TRPC4AP: variants seen among roughly 807,000 people sequenced by gnomAD.
The protein encoded by TRPC4AP is transient receptor potential cation channel subfamily C member 4 associated protein, also known as short transient receptor potential channel 4-associated protein.
In TRPC4AP, 45 loss-of-function variants were observed where a neutral mutation model predicts 99.0. The observed-to-expected ratio is 0.45, with a 90% CI of 0.36 to 0.58. The LOEUF is 0.58. TRPC4AP is among the 20% of genes least tolerant of loss of function. The probability of loss-of-function intolerance (pLI) is 0.00; values close to 1 mark genes in which losing one functional copy is unlikely to be tolerated. For synonymous variants in TRPC4AP, 408 were observed against 385.8 expected, an observed-to-expected ratio of 1.06 and a Z score of -0.67; for missense variants, 879 against 985.3, an observed-to-expected ratio of 0.89 and a Z score of 1.44.
chr20:35,086,523 A>ATG (rs2084874931), intron 1 of TRPC4AP, among the ~76,000 whole-genome samples: 9 of 99,144 alleles, frequency 9.1e-5, no homozygotes, highest in East Asian at 2.9e-4. Context: ...GTGTGTGTAT[A>ATG]TATGTGTGTG....
rs751554240 is a variant in TRPC4AP, at chr20:35,013,083, G to GC, written c.1351-18dup. On this transcript the variant is annotated splice_polypyrimidine_tract_variant and intron_variant, in intron 10 of 18. Coordinates refer to ENST00000252015, the MANE Select transcript of TRPC4AP (RefSeq NM_015638.3). Reference sequence around the variant, plus strand: ...GGTGATGTCCTGAAACACATGCACAGCCTCAATGTTAGGACCACAGCCACA... The same window carrying GC: ...GGTGATGTCCTGAAACACATGCACAGCCCTCAATGTTAGGACCACAGCCACA... The GC allele has an allele frequency of 2.5e-6, 4 of 1,613,832 alleles. No individual in the cohort carries two copies. The highest frequency in any genetic ancestry group is 3.4e-6 in the Non-Finnish European group (4 of 1,179,854).
rs142771632 is a variant in TRPC4AP, at chr20:35,073,485, G to A, written c.298-4073C>T. Among the ~76,000 whole-genome samples, 1,319 of 152,306 alleles carry A rather than the reference G, an allele frequency of 8.7e-3. 7 individuals carry two copies. Among genetic ancestry groups the A allele is most frequent in the African/African-American group, 0.017 (699 of 41,564 alleles). Reference sequence around the variant, plus strand: ...CTAGTTTATTGAGAGTTTTCAGCATGAAGGGCTGTTGAATTTTGTCGAAGG... The same window carrying A: ...CTAGTTTATTGAGAGTTTTCAGCATAAAGGGCTGTTGAATTTTGTCGAAGG... On this transcript the variant is annotated intron_variant, in intron 2 of 18. Coordinates refer to ENST00000252015, the MANE Select transcript of TRPC4AP (RefSeq NM_015638.3).
At chr20:35,037,308 C>T (rs1049727401) in intron 7 of TRPC4AP, among the ~76,000 whole-genome samples, 2 of 135,230 alleles carry the variant, frequency 1.5e-5, no homozygotes, top group Non-Finnish European at 3.0e-5. Context: ...GATCGCGCCA[C>T]TGCACTCCGG....
chr20:35,030,280 A>T (rs1466493705), intron 8 of TRPC4AP: 1 of 151,230 alleles, frequency 6.6e-6, no homozygotes, highest in East Asian at 1.9e-4. Flanking sequence ...TACCACATAC[A>T]TCTTAATCTT....
At chr20:35,042,395 C>T (rs1200906468) in intron 7 of TRPC4AP, among the ~76,000 whole-genome samples, 1 of 152,180 alleles carries the variant, frequency 6.6e-6, no homozygotes, top group Non-Finnish European at 1.5e-5. Context: ...GGTTCATATT[C>T]AGCCTCAGGA....
At position 35,035,116 on chromosome 20, in the gene TRPC4AP, T is replaced by G. The variant is rs2083289686; in HGVS notation, c.1051+7A>C. The G allele has an allele frequency of 6.2e-7, 1 of 1,612,286 alleles. No homozygotes were observed. The highest frequency in any genetic ancestry group is 1.3e-5 in the African/African-American group (1 of 74,982). On this transcript the variant is annotated splice_region_variant and intron_variant, in intron 8 of 18. Transcript: ENST00000252015. ...CCCGATCACTCAGGGGACCCATCCT[T>G]CCATACCTTGATTGTGCTCTGACTC...
intron 1 of TRPC4AP, among the ~76,000 whole-genome samples, chr20:35,085,318 AAAT>A (rs1256002345): frequency 6.6e-6 from 1 of 152,162 alleles, no homozygotes; most frequent in African/African-American, 2.4e-5. Context: ...TCTCATTTAA[AAAT>A]AATAATTTGG....
intron 4 of TRPC4AP, among the ~76,000 whole-genome samples, 198 bp from the exon 5 acceptor site, chr20:35,055,229 C>T (rs2083797229): frequency 6.6e-6 from 1 of 152,138 alleles, no homozygotes; most frequent in African/African-American, 2.4e-5. Context: ...TTGCATATTG[C>T]TTTTGGTTTG....
At chr20:35,012,757 A>G (rs1885116) in intron 11 of TRPC4AP, among the ~76,000 whole-genome samples, 28,134 of 152,154 alleles carry the variant, frequency 0.18, 2,690 homozygotes, top group Middle Eastern at 0.34. Context: ...TAAGGGGCCA[A>G]CGACTTCCAT....
At chr20:35,038,446 A>G (rs6120810) in intron 7 of TRPC4AP, among the ~76,000 whole-genome samples, 110,261 of 151,838 alleles carry the variant, frequency 0.73, 40,370 homozygotes, top group Middle Eastern at 0.83. Flanking sequence ...ATTAAATTAC[A>G]GTATGCCTGT....
intron 1 of TRPC4AP, among the ~76,000 whole-genome samples, chr20:35,091,198 T>C (rs1223424616): frequency 2.0e-5 from 3 of 151,974 alleles, no homozygotes; most frequent in African/African-American, 4.8e-5. Context: ...CCGTGTTGCC[T>C]GGGCTGGTCT....
chr20:35,054,493 C>G (rs114317226), intron 5 of TRPC4AP, among the ~76,000 whole-genome samples: 70 of 152,260 alleles, frequency 4.6e-4, no homozygotes, highest in African/African-American at 1.7e-3. Flanking sequence ...GGTCCTAACA[C>G]TAAGTGCCAT....
At chr20:35,037,631 T>C (rs2147343078) in intron 7 of TRPC4AP, among the ~76,000 whole-genome samples, 1 of 152,256 alleles carries the variant, frequency 6.6e-6, no homozygotes, top group South Asian at 2.1e-4. Context: ...CACAAAAACA[T>C]TATGCCAAGT....
Position 35,034,583 on chromosome 20 carries a change from G to C in TRPC4AP, c.1051+540C>G, listed in dbSNP as rs73905055. 2.3e-3 allele frequency among the ~76,000 whole-genome samples: 351 copies of C among 152,164 alleles called. 2 individuals carry two copies. Among genetic ancestry groups the C allele is most frequent in the African/African-American group, 8.1e-3 (338 of 41,518 alleles). The stretch of plus-strand genomic sequence containing the variant: ...AATGAGAAACCTATTCCTTGTTTGG[G>C]AGCTGAGAATTCCTGGGTTTGTATA... On this transcript the variant is annotated intron_variant, in intron 8 of 18. Coordinates refer to ENST00000252015, the MANE Select transcript of TRPC4AP (RefSeq NM_015638.3).
chr20:35,086,477 A>G (rs12480291), intron 1 of TRPC4AP, among the ~76,000 whole-genome samples: 979 of 63,998 alleles, frequency 0.015, 6 homozygotes, highest in Non-Finnish European at 0.02. Flanking sequence ...GTGTGTGTGT[A>G]TGTGTGTGTA....
intron 14 of TRPC4AP, 79 bp from the exon 15 acceptor site, chr20:35,006,654 T>C: frequency 6.5e-7 from 1 of 1,545,330 alleles, no homozygotes; most frequent in Non-Finnish European, 8.8e-7. Context: ...GACCATGCAT[T>C]GGCTTTGAGC....
intron 2 of TRPC4AP, among the ~76,000 whole-genome samples, chr20:35,069,867 G>A (rs1051127597): frequency 1.3e-5 from 2 of 152,092 alleles, no homozygotes; most frequent in Non-Finnish European, 2.9e-5. Flanking sequence ...CTTGAGCCAC[G>A]GAGGCAGACG....
chr20:35,002,793 A>G lies in TRPC4AP; in HGVS notation c.*353T>C, dbSNP rs908954344. 9.3e-6 allele frequency: 2 copies of G among 213,992 alleles called. No homozygotes were observed. Among genetic ancestry groups the G allele is most frequent in the Non-Finnish European group, 1.9e-5 (2 of 106,542 alleles). The allele number at this position is 213,992 out of a possible 1,614,324, so 13.3% of individuals were successfully genotyped here. A position where few individuals can be genotyped will look rare whatever the true frequency, so the allele number is the denominator to read the frequency against. ...CACAGATGGGGGGTGGGGGTCACCC[A>G]TATCTTCCTCCCCACTCTGGGACTG... On this transcript the variant is annotated 3_prime_UTR_variant, in exon 19 of 19. Coordinates refer to ENST00000252015, the MANE Select transcript of TRPC4AP (RefSeq NM_015638.3).
intron 6 of TRPC4AP, among the ~76,000 whole-genome samples, chr20:35,047,348 G>A (rs1329691958): frequency 6.6e-6 from 1 of 152,092 alleles, no homozygotes; most frequent in Non-Finnish European, 1.5e-5. Flanking sequence ...GCTTTTTTGA[G>A]CTTTATGAAA....
Sources: allele counts gnomAD v4.1 joint callset (sites outside exome capture counted in the v4.1 genomes callset), GRCh38; gene constraint gnomAD v4.1.1; transcripts MANE v1.5; gene names NCBI Gene and HGNC (gene_info 2026-07-23, HGNC 2026-07-21).